The following CENPO variants were observed in gnomAD, a reference collection of about 807,000 sequenced individuals.
CENPO encodes the protein centromeric protein O.
CENPO carries 30 observed loss-of-function variants against 36.1 expected under a neutral mutation model. The ratio of observed to expected loss-of-function variants is 0.83; its 90% confidence interval spans 0.62 to 1.13. The LOEUF (loss-of-function observed/expected upper bound fraction) is 1.13. Among genes scored for constraint, CENPO ranks in the 50% most tolerant of loss-of-function variants. CENPO has a pLI of 0.00. For missense variants in CENPO, 349 were observed against 357.8 expected, an observed-to-expected ratio of 0.98 and a Z score of 0.20; for synonymous variants, 171 against 142.3, an observed-to-expected ratio of 1.20 and a Z score of -1.44.
rs745448867 is a variant in CENPO, at chr2:24,819,904, G to C, written c.*586G>C. 4.4e-6 allele frequency: 7 copies of C among 1,608,640 alleles called. No homozygotes were observed. Among genetic ancestry groups the C allele is most frequent in the Non-Finnish European group, 5.1e-6 (6 of 1,177,778 alleles). The stretch of plus-strand genomic sequence containing the variant: ...TTCAAAAAATAAATTCTCCCTTCCG[G>C]TTTGGACTGTTGCAGGCTCGAGGCC... On this transcript the variant is annotated 3_prime_UTR_variant, in exon 8 of 8. Transcript: ENST00000380834.
At chr2:24,810,193 A>G (rs765343714) in intron 3 of CENPO, among the ~76,000 whole-genome samples, 78 of 152,188 alleles carry the variant, frequency 5.1e-4, no homozygotes, top group Middle Eastern at 3.4e-3. Flanking sequence ...GGTGGCAACA[A>G]ATTTAGGACT....
intron 3 of CENPO, among the ~76,000 whole-genome samples, chr2:24,808,220 AT>A (rs887441679): frequency 6.6e-6 from 1 of 151,266 alleles, no homozygotes; most frequent in Non-Finnish European, 1.5e-5. Context: ...TATTTTTTTT[AT>A]TTTTTTTGTT....
intron 6 of CENPO, among the ~76,000 whole-genome samples, chr2:24,817,197 C>T (rs140299576): frequency 4.8e-4 from 73 of 152,282 alleles, no homozygotes; most frequent in Middle Eastern, 3.4e-3. Flanking sequence ...GGACATGACA[C>T]GTCAGCACAC....
chr2:24,794,916 G>A (rs752891663), intron 2 of CENPO, among the ~76,000 whole-genome samples: 2 of 152,142 alleles, frequency 1.3e-5, no homozygotes, highest in Non-Finnish European at 2.9e-5. Flanking sequence ...TTCTGAGCGC[G>A]TCAGTGAATT....
At chr2:24,799,957 A>G in intron 3 of CENPO, 113 bp downstream of exon 3, 1 of 1,208,514 alleles carries the variant, frequency 8.3e-7, no homozygotes, top group Non-Finnish European at 1.2e-6. Context: ...ATCTTACTGG[A>G]TTGATTGCAG....
In CENPO at chr2:24,801,295, G is replaced by A. The variant is rs965733528; in HGVS notation, c.216+1451G>A. Reference sequence around the variant, plus strand: ...TGTAGGTTGCCTGTTCACTCTGATGGTAGTTTCTTTTGCTGTGCAGAAGCT... The same window carrying A: ...TGTAGGTTGCCTGTTCACTCTGATGATAGTTTCTTTTGCTGTGCAGAAGCT... On this transcript the variant is annotated intron_variant, in intron 3 of 7. Transcript: ENST00000380834. 4.6e-5 allele frequency among the ~76,000 whole-genome samples: 7 copies of A among 152,248 alleles called. No individual in the cohort carries two copies. In the East Asian group the frequency reaches 7.7e-4, roughly 17 times the overall value.
chr2:24,822,336 G>T lies in CENPO; in HGVS notation c.*3018G>T. Reference sequence around the variant, plus strand: ...GGTTGTGTGTCTGTTCTGTTTCTCTGCTTGCCGAACTTTCTCAATAAACCC... The same window carrying T: ...GGTTGTGTGTCTGTTCTGTTTCTCTTCTTGCCGAACTTTCTCAATAAACCC... On this transcript the variant is annotated 3_prime_UTR_variant, in exon 8 of 8. Coordinates refer to ENST00000380834, the MANE Select transcript of CENPO (RefSeq NM_001322101.2). 1.1e-6 allele frequency: 1 copy of T among 911,084 alleles called. No homozygotes were observed. The highest frequency in any genetic ancestry group is 1.6e-6 in the Non-Finnish European group (1 of 611,240). 56.4% of individuals were successfully genotyped at this position (911,084 alleles called of 1,614,324 possible).
intron 1 of CENPO, 51 bp from the exon 2 acceptor site, chr2:24,793,801 G>T: frequency 7.2e-7 from 1 of 1,386,934 alleles, no homozygotes. Context: ...TGCCGTCTGG[G>T]TTTGAATGGG....
At chr2:24,807,775 T>A (rs1666486276) in intron 3 of CENPO, among the ~76,000 whole-genome samples, 1 of 152,254 alleles carries the variant, frequency 6.6e-6, no homozygotes, top group South Asian at 2.1e-4. Context: ...TCCATTGTCC[T>A]GCATTTTTAC....
Position 24,821,455 on chromosome 2 carries a change from T to C in CENPO, c.*2137T>C. 1 of 1,592,240 alleles carries C rather than the reference T, an allele frequency of 6.3e-7. No individual in the cohort carries two copies. Among genetic ancestry groups the C allele is most frequent in the South Asian group, 1.1e-5 (1 of 88,570 alleles). ...CTGAGCCTCATGTCTCTCCTGGTGG[T>C]GGGCCAGGCCCCTGCATGGGAAGGG... On this transcript the variant is annotated 3_prime_UTR_variant, in exon 8 of 8. Transcript: ENST00000380834.
intron 3 of CENPO, among the ~76,000 whole-genome samples, chr2:24,803,997 A>T (rs1016905263): frequency 6.6e-6 from 1 of 152,146 alleles, no homozygotes. Flanking sequence ...GACTTGCTTT[A>T]TGAGTCTGGG....
At chr2:24,812,654 A>G (rs932041344) in intron 3 of CENPO, among the ~76,000 whole-genome samples, 1 of 151,910 alleles carries the variant, frequency 6.6e-6, no homozygotes, top group Non-Finnish European at 1.5e-5. Flanking sequence ...GTAAGATCTT[A>G]TTTGTCTAGT....
chr2:24,811,337 A>G (rs1303427291), intron 3 of CENPO, among the ~76,000 whole-genome samples: 2 of 133,544 alleles, frequency 1.5e-5, no homozygotes, highest in Admixed American at 9.4e-5. Context: ...GCTGGAGTGC[A>G]GTGGCACTAT....
chr2:24,809,118 T>G (rs1366211821), intron 3 of CENPO, among the ~76,000 whole-genome samples: 1 of 152,214 alleles, frequency 6.6e-6, no homozygotes, highest in Admixed American at 6.5e-5. Context: ...ACTCTCACAT[T>G]TAAAGTTTGA....
At chr2:24,806,700 T>C (rs1315832600) in intron 3 of CENPO, among the ~76,000 whole-genome samples, 1 of 152,194 alleles carries the variant, frequency 6.6e-6, no homozygotes, top group Non-Finnish European at 1.5e-5. Context: ...TTGTATAAGA[T>C]TTCCCTTGTT....
chr2:24,815,445 A>C (rs1167972068), intron 4 of CENPO, 52 bp from the exon 5 acceptor site: 9 of 1,515,076 alleles, frequency 5.9e-6, no homozygotes, highest in Non-Finnish European at 8.2e-6. Flanking sequence ...ACAGATGAGT[A>C]AGACATCACC....
rs746291134 is a variant in CENPO at position 24,821,466 on chromosome 2, C to G, written c.*2148C>G. ...GTCTCTCCTGGTGGTGGGCCAGGCC[C>G]CTGCATGGGAAGGGAGCCTGCTGCG... On this transcript the variant is annotated 3_prime_UTR_variant, in exon 8 of 8. Transcript: ENST00000380834. 1 of 1,603,796 alleles carries G rather than the reference C, an allele frequency of 6.2e-7. No homozygotes were observed. The highest frequency in any genetic ancestry group is 1.1e-5 in the South Asian group (1 of 89,934).
chr2:24,793,755 C>A, intron 1 of CENPO, 97 bp from the exon 2 acceptor site: 1 of 1,039,862 alleles, frequency 9.6e-7, no homozygotes, highest in Non-Finnish European at 1.5e-6. Context: ...TTGTGTCATC[C>A]GCGGCCCAGG....
At position 24,815,743 on chromosome 2, in the gene CENPO, C is replaced by G. The variant is rs1402821210; in HGVS notation, c.581C>G (p.Ala194Gly). Residue 194 changes from alanine (A) to glycine (G), a missense_variant, in exon 5 of 8, where the codon GCA becomes GGA. Physicochemically the swap from Ala to Gly is moderately conservative, Grantham distance 60. Transcript: ENST00000380834. ...GCTTACTCTGGGAGGAAGTACCAGG[C>G]AGACCGGCTTCAGGTATCTCTCTGG... ...LNAYSGRKYQ[A>G]DRLQSDFAAL... 6.2e-7 allele frequency: 1 copy of G among 1,613,994 alleles called. No individual in the cohort carries two copies. The highest frequency in any genetic ancestry group is 8.5e-7 in the Non-Finnish European group (1 of 1,179,964).
Sources: allele counts gnomAD v4.1 joint callset (sites outside exome capture counted in the v4.1 genomes callset), GRCh38; gene constraint gnomAD v4.1.1; transcripts MANE v1.5; gene names NCBI Gene and HGNC (gene_info 2026-07-23, HGNC 2026-07-21).